Variants in DNAJC1 observed in about 807,000 individuals in gnomAD.
DNAJC1 encodes the protein DnaJ heat shock protein family (Hsp40) member C1, also known as dnaJ homolog subfamily C member 1.
A neutral mutation model predicts 76.6 loss-of-function variants in DNAJC1; 58 were observed. The observed-to-expected ratio is 0.76, with a 90% CI of 0.61 to 0.94. The LOEUF is 0.94. Among genes scored for constraint, DNAJC1 ranks in the 40% least tolerant of loss-of-function variants. DNAJC1 has a pLI of 0.00. For missense variants in DNAJC1, 689 were observed against 677.3 expected (o/e 1.02, Z -0.19); for synonymous variants, 258 against 267.9 (o/e 0.96, Z 0.36).
intron 7 of DNAJC1, among the ~76,000 whole-genome samples, chr10:21,891,997 T>A (rs1442783240): frequency 4.0e-5 from 6 of 151,850 alleles, no homozygotes. Context: ...AAGAAAATAC[T>A]CAAGACAATG....
chr10:21,820,807 C>G (rs923880245), intron 8 of DNAJC1, among the ~76,000 whole-genome samples: 31 of 152,170 alleles, frequency 2.0e-4, no homozygotes. Context: ...ATATGTTTTA[C>G]TGGTTTACTT....
At chr10:21,765,584 C>A (rs1041871468) in intron 10 of DNAJC1, among the ~76,000 whole-genome samples, 1 of 152,128 alleles carries the variant, frequency 6.6e-6, no homozygotes, top group Non-Finnish European at 1.5e-5. Context: ...CGGTGGCTCA[C>A]GCCTGTAATC....
At chr10:21,784,915 G>A (rs1322116126) in intron 9 of DNAJC1, among the ~76,000 whole-genome samples, 1 of 151,986 alleles carries the variant, frequency 6.6e-6, no homozygotes, top group East Asian at 1.9e-4. Context: ...TGGGGGGCAG[G>A]GGGAAGGGAT....
intron 8 of DNAJC1, among the ~76,000 whole-genome samples, chr10:21,878,907 AC>A (rs1836228880): frequency 6.6e-6 from 1 of 152,050 alleles, no homozygotes; most frequent in Admixed American, 6.6e-5. Context: ...CATTTCTCCA[AC>A]AAAAATAAAT....
At chr10:21,890,364 G>T (rs1190359365) in intron 7 of DNAJC1, among the ~76,000 whole-genome samples, 5 of 144,168 alleles carry the variant, frequency 3.5e-5, no homozygotes, top group African/African-American at 1.3e-4. Flanking sequence ...AGTGAGCCAA[G>T]ATCACGCCAC....
intron 8 of DNAJC1, among the ~76,000 whole-genome samples, chr10:21,874,541 T>TATAAAAATTTATATAATTG (rs1836154779): frequency 6.6e-6 from 1 of 152,142 alleles, no homozygotes; most frequent in African/African-American, 2.4e-5. Context: ...TATAAAAGGC[T>TATAAAAATTTATATAATTG]ACATATTGTA....
intron 8 of DNAJC1, among the ~76,000 whole-genome samples, chr10:21,871,823 G>T (rs113663598): frequency 0.019 from 2,917 of 151,670 alleles, 110 homozygotes; most frequent in African/African-American, 0.066. Context: ...TTAGTAGAGA[G>T]AGGGTTTCAC....
At chr10:21,915,247 G>C (rs746163144) in intron 6 of DNAJC1, among the ~76,000 whole-genome samples, 6 of 152,210 alleles carry the variant, frequency 3.9e-5, no homozygotes, top group Admixed American at 6.5e-5. Context: ...AGGGCTCTTA[G>C]ATGCTAAGTA....
intron 6 of DNAJC1, among the ~76,000 whole-genome samples, chr10:21,907,083 T>C (rs1214895559): frequency 6.6e-6 from 1 of 152,172 alleles, no homozygotes; most frequent in Non-Finnish European, 1.5e-5. Flanking sequence ...TTTGAACATT[T>C]TCCCTGTTAA....
chr10:21,830,034 C>T (rs1365575999), intron 8 of DNAJC1, among the ~76,000 whole-genome samples: 1 of 152,150 alleles, frequency 6.6e-6, no homozygotes, highest in African/African-American at 2.4e-5. Context: ...ATACAAGAAT[C>T]CTAAAATGTT....
intron 8 of DNAJC1, among the ~76,000 whole-genome samples, chr10:21,818,785 G>A (rs76259152): frequency 0.04 from 6,142 of 152,236 alleles, 422 homozygotes; most frequent in African/African-American, 0.14. Context: ...GATTCAAAAT[G>A]ATTTATTTTG....
intron 9 of DNAJC1, among the ~76,000 whole-genome samples, chr10:21,783,268 C>G (rs868824470): frequency 8.9e-4 from 135 of 152,196 alleles, no homozygotes; most frequent in African/African-American, 2.7e-3. Context: ...CAGACAAACA[C>G]AGAGCCAAAT....
chr10:21,846,879 C>CTT (rs777182871), intron 8 of DNAJC1, among the ~76,000 whole-genome samples: 5 of 135,646 alleles, frequency 3.7e-5, no homozygotes, highest in Admixed American at 1.5e-4. Flanking sequence ...TGGATAATGA[C>CTT]TTTTTTTTTT....
chr10:21,928,409 C>A, intron 3 of DNAJC1, 97 bp downstream of exon 3: 1 of 1,091,364 alleles, frequency 9.2e-7, no homozygotes, highest in Non-Finnish European at 1.3e-6. Context: ...AAATAAAATG[C>A]TAACATAATA....
At chr10:21,904,209 A>G (rs1378771072) in intron 7 of DNAJC1, among the ~76,000 whole-genome samples, 2 of 152,200 alleles carry the variant, frequency 1.3e-5, no homozygotes, top group African/African-American at 4.8e-5. Context: ...AACTAGCACT[A>G]AATATCAACT....
intron 1 of DNAJC1, among the ~76,000 whole-genome samples, chr10:22,000,712 G>A (rs1838504531): frequency 6.6e-6 from 1 of 152,224 alleles, no homozygotes; most frequent in Non-Finnish European, 1.5e-5. Flanking sequence ...TATCACGAAG[G>A]TGGAGTCCTA....
chr10:21,906,041 G>T (rs983413069), intron 6 of DNAJC1, among the ~76,000 whole-genome samples: 2 of 152,070 alleles, frequency 1.3e-5, no homozygotes, highest in East Asian at 3.9e-4. Context: ...TTTTTCCTGG[G>T]GGTCTGTGTC....
At chr10:21,966,878 C>T (rs944203815) in intron 1 of DNAJC1, among the ~76,000 whole-genome samples, 2 of 151,678 alleles carry the variant, frequency 1.3e-5, no homozygotes, top group African/African-American at 2.4e-5. Flanking sequence ...GTAGATACAG[C>T]ATTTCACCAC....
At chr10:21,793,090 G>A (rs1589982561) in intron 9 of DNAJC1, among the ~76,000 whole-genome samples, 1 of 152,114 alleles carries the variant, frequency 6.6e-6, no homozygotes, top group Admixed American at 6.5e-5. Flanking sequence ...CAGATCATCC[G>A]AGGTCAGGAG....
Sources: gnomAD v4.1 joint callset for allele counts (sites outside exome capture counted in the v4.1 genomes callset) on GRCh38, gnomAD v4.1.1 for gene constraint, MANE v1.5 for transcripts, NCBI Gene and HGNC (gene_info 2026-07-23, HGNC 2026-07-21) for gene names.